Variants in GGT5 observed in about 807,000 individuals in gnomAD.
GGT5 encodes gamma-glutamyltransferase 5, also known as glutathione hydrolase 5 proenzyme.
GGT5 carries 50 observed loss-of-function variants against 58.1 expected under a neutral mutation model. That is an observed-to-expected ratio of 0.86 (90% confidence interval 0.69 to 1.09). The LOEUF (loss-of-function observed/expected upper bound fraction) is 1.09. GGT5 is among the 50% of genes least tolerant of loss of function. The pLI is 0.00. For synonymous variants in GGT5, 370 were observed against 346.1 expected (o/e 1.07, Z -0.77); for missense variants, 800 against 789.4 (o/e 1.01, Z -0.16).
chr22:24,222,994 G>A lies in GGT5; in HGVS notation c.1614+2002C>T, dbSNP rs150369701. Among the ~76,000 whole-genome samples the A allele has an allele frequency of 9.5e-3, 1,446 of 152,212 alleles. 8 individuals are homozygous for A. Among genetic ancestry groups the A allele is most frequent in the Non-Finnish European group, 0.016 (1,059 of 68,008 alleles). On this transcript the variant is annotated intron_variant, in intron 11 of 11. Coordinates refer to ENST00000327365, the MANE Select transcript of GGT5 (RefSeq NM_004121.5). ...TGGGAGGATGAGGCGGGAGGATGAGGCAGGGGAATGGCGTGAACTCGGGAG... is the reference window on the plus strand; with the variant it reads ...TGGGAGGATGAGGCGGGAGGATGAGACAGGGGAATGGCGTGAACTCGGGAG...
chr22:24,236,490 G>A (rs933324951), intron 1 of GGT5, among the ~76,000 whole-genome samples: 6 of 152,150 alleles, frequency 3.9e-5, no homozygotes, highest in Admixed American at 6.5e-5. Flanking sequence ...AAGGCCGGGC[G>A]CGGTGGCTCA....
rs761965748 is a variant in GGT5, at chr22:24,226,237, G to C, written c.1068C>G (p.Thr356=). The change falls in exon 8 of 12, where the codon ACC becomes ACG. Residue 356 remains threonine (T), a synonymous_variant. Transcript: ENST00000327365. ...QNASRDLLGE[T]LAQLIRQQID... The stretch of plus-strand genomic sequence containing the variant: ...TCTGTTGGCGGATGAGCTGGGCCAG[G>C]GTCTCCCCCAGCAGGTCCCGGGAGG... 6.2e-7 allele frequency: 1 copy of C among 1,606,984 alleles called. No homozygotes were observed. The highest frequency in any genetic ancestry group is 8.5e-7 in the Non-Finnish European group (1 of 1,178,996).
intron 1 of GGT5, 28 bp from the exon 2 acceptor site, chr22:24,234,032 G>C (rs1284573838): frequency 1.3e-6 from 2 of 1,579,616 alleles, no homozygotes; most frequent in South Asian, 2.3e-5. Context: ...GAGTCGCTGT[G>C]GGGCTCCCCT....
At chr22:24,238,903 ATAT>A (rs2048234198) in intron 1 of GGT5, among the ~76,000 whole-genome samples, 1 of 14,978 alleles carries the variant, frequency 6.7e-5, no homozygotes, top group Non-Finnish European at 1.1e-4. Flanking sequence ...ATATATATAT[ATAT>A]TATATATATT....
chr22:24,243,010 C>A (rs1473830811), intron 1 of GGT5: 2 of 152,372 alleles, frequency 1.3e-5, no homozygotes, highest in Non-Finnish European at 2.9e-5. Flanking sequence ...GAGACCCCTA[C>A]CCAACCAGTG....
chr22:24,227,555 G>A lies in GGT5; in HGVS notation c.902-788C>T, dbSNP rs146520392. On this transcript the variant is annotated intron_variant, in intron 6 of 11. Coordinates refer to ENST00000327365, the MANE Select transcript of GGT5 (RefSeq NM_004121.5). ...AGCCACCACACCCGGCCTAAAGTACGTTAAAGATTTTGAGAGGAGGAGATG... is the reference window on the plus strand; with the variant it reads ...AGCCACCACACCCGGCCTAAAGTACATTAAAGATTTTGAGAGGAGGAGATG... 1.8e-3 allele frequency among the ~76,000 whole-genome samples: 278 copies of A among 152,220 alleles called. 1 individual carries two copies. The East Asian group carries it at 0.029, about 16-fold the overall frequency.
At chr22:24,221,404 T>C (rs9608252) in intron 11 of GGT5, among the ~76,000 whole-genome samples, 10,886 of 147,896 alleles carry the variant, frequency 0.074, 783 homozygotes, top group African/African-American at 0.18. Context: ...GCTGGCACCA[T>C]CCAGATCGAT....
intron 1 of GGT5, among the ~76,000 whole-genome samples, chr22:24,239,969 C>T (rs2148948692): frequency 6.6e-6 from 1 of 152,166 alleles, no homozygotes; most frequent in African/African-American, 2.4e-5. Flanking sequence ...ACCAGTGGTC[C>T]CAGCTACTCA....
At chr22:24,233,703 C>T (rs1300001430) in intron 2 of GGT5, 110 bp from the exon 3 acceptor site, 16 of 871,574 alleles carry the variant, frequency 1.8e-5, no homozygotes, top group Non-Finnish European at 2.9e-5. Flanking sequence ...TGGGCTAACA[C>T]AGGGACAGGA....
Position 24,233,938 on chromosome 22 carries a change from G to T in GGT5, c.240C>A (p.Val80=). The change falls in exon 2 of 12, where the codon GTC becomes GTA. Residue 80 remains valine (V), a synonymous_variant. Transcript: ENST00000327365. The part of the protein sequence containing the change: ...ATIAALVCTS[V]VNPQSMGLGG... ...CCAGGCCCATGCTCTGAGGGTTGAC[G>T]ACGCTGGTGCAGACCAGAGCCGCGA... The T allele has an allele frequency of 6.2e-7, 1 of 1,613,520 alleles. No homozygotes were observed. The highest frequency in any genetic ancestry group is 8.5e-7 in the Non-Finnish European group (1 of 1,179,498).
intron 6 of GGT5, among the ~76,000 whole-genome samples, chr22:24,228,048 C>CAAAAAAAAAAAAAGA (rs2047820581): frequency 4.5e-5 from 1 of 22,052 alleles, no homozygotes. Flanking sequence ...GACTCTGTCT[C>CAAAAAAAAAAAAAGA]AAAAAAAAAA....
intron 1 of GGT5, chr22:24,242,585 A>T (rs2048354714): frequency 6.6e-6 from 1 of 152,380 alleles, no homozygotes; most frequent in Non-Finnish European, 1.5e-5. Context: ...GACAGAGCGA[A>T]ACAGCATCTC....
chr22:24,231,318 T>C, intron 6 of GGT5, 66 bp downstream of exon 6: 1 of 1,139,988 alleles, frequency 8.8e-7, no homozygotes, highest in African/African-American at 1.9e-5. Flanking sequence ...GCTTGGAGTC[T>C]GAGTTCCCGG....
At chr22:24,235,588 A>C (rs550533043) in intron 1 of GGT5, among the ~76,000 whole-genome samples, 71 of 152,344 alleles carry the variant, frequency 4.7e-4, no homozygotes, top group Non-Finnish European at 7.5e-4. Flanking sequence ...ACAGGGACAC[A>C]TGTAATCTTG....
At position 24,231,403 on chromosome 22, in the gene GGT5, A is replaced by G. The variant is rs1246126967; in HGVS notation, c.882T>C (p.Phe294=). Reference sequence around the variant, plus strand: ...CTTTACCTCTTAGCACGTTGAGGATAAAGCTGAGAATGGCACCCCCTGCAG... The same window carrying G: ...CTTTACCTCTTAGCACGTTGAGGATGAAGCTGAGAATGGCACCCCCTGCAG... The part of the protein sequence containing the change: ...PPPAGGAILS[F]ILNVLRGFNF... Residue 294 remains phenylalanine (F), a synonymous_variant, in exon 6 of 12, where the codon TTT becomes TTC. Transcript: ENST00000327365. 1 of 1,551,866 alleles carries G rather than the reference A, an allele frequency of 6.4e-7. No homozygotes were observed. Among genetic ancestry groups the G allele is most frequent in the South Asian group, 1.2e-5 (1 of 84,108 alleles).
intron 7 of GGT5, 64 bp downstream of exon 7, chr22:24,226,567 T>G: frequency 6.4e-7 from 1 of 1,564,840 alleles, no homozygotes; most frequent in South Asian, 1.1e-5. Context: ...GACCCTCATT[T>G]CATGCCAAGT....
intron 1 of GGT5, among the ~76,000 whole-genome samples, chr22:24,238,779 AATATATATTATATAT>A (rs2048183611): frequency 4.1e-5 from 1 of 24,282 alleles, no homozygotes; most frequent in Non-Finnish European, 6.3e-5. Flanking sequence ...ATATATATAT[AATATATATTATATAT>A]TTATATATAT....
In GGT5 at chr22:24,226,087, G is replaced by A; in HGVS notation, c.1218C>T (p.Thr406=). Residue 406 remains threonine, a synonymous_variant, in exon 8 of 12, where the codon ACC becomes ACT. Transcript: ENST00000327365. ...EDGSAVAATS[T]INTPFGAMVY... is the part of the protein sequence containing the mutation. ...CAGGCCCTACGCACGGTGTGTTGAT[G>A]GTGCTGGTGGCAGCCACGGCGCTGC... 6.3e-7 allele frequency: 1 copy of A among 1,597,552 alleles called. No homozygotes were observed. The highest frequency in any genetic ancestry group is 2.2e-5 in the East Asian group (1 of 44,518).
intron 8 of GGT5, 116 bp from the exon 9 acceptor site, chr22:24,225,768 A>C: frequency 1.4e-6 from 1 of 718,268 alleles, no homozygotes; most frequent in Non-Finnish European, 2.5e-6. Flanking sequence ...AAGCATGCTG[A>C]AGCCGCTATT....
Sources: gnomAD v4.1 joint callset for allele counts (sites outside exome capture counted in the v4.1 genomes callset) on GRCh38, gnomAD v4.1.1 for gene constraint, MANE v1.5 for transcripts, NCBI Gene and HGNC (gene_info 2026-07-23, HGNC 2026-07-21) for gene names.